KTN1: variants seen among roughly 807,000 people sequenced by gnomAD.
KTN1 encodes kinectin 1.
In KTN1, 130 loss-of-function variants were observed where a neutral mutation model predicts 222.5. The observed-to-expected ratio is 0.58, with a 90% CI of 0.51 to 0.68. The LOEUF is 0.68. Ranked by LOEUF, KTN1 falls within the 30% of genes least tolerant of loss-of-function variation. The probability of loss-of-function intolerance (pLI) is 0.00; values close to 1 mark genes in which losing one functional copy is unlikely to be tolerated. For synonymous variants in KTN1, 512 were observed against 496.3 expected, an observed-to-expected ratio of 1.03 and a Z score of -0.42; for missense variants, 1,508 against 1,500.4, an observed-to-expected ratio of 1.01 and a Z score of -0.08.
chr14:55,614,281 A>G (rs375494264), intron 2 of KTN1, among the ~76,000 whole-genome samples: 1 of 152,222 alleles, frequency 6.6e-6, no homozygotes, highest in Non-Finnish European at 1.5e-5. Context: ...AACAGATTTC[A>G]TGGGGCAGTA....
intron 43 of KTN1, chr14:55,682,064 T>C (rs1431268432): frequency 3.9e-5 from 6 of 152,196 alleles, no homozygotes; most frequent in African/African-American, 1.2e-4. Flanking sequence ...TATGAATTGT[T>C]TATGATAATG....
At chr14:55,618,930 GGT>G (rs1566724725) in intron 4 of KTN1, among the ~76,000 whole-genome samples, 1 of 151,762 alleles carries the variant, frequency 6.6e-6, no homozygotes, top group African/African-American at 2.4e-5. Flanking sequence ...TTAAAGTGAG[GGT>G]ATATTGGCAT....
chr14:55,662,228 A>C (rs967966069), intron 32 of KTN1, among the ~76,000 whole-genome samples: 4 of 151,848 alleles, frequency 2.6e-5, no homozygotes, highest in Non-Finnish European at 4.4e-5. Flanking sequence ...CACCATACTC[A>C]GCTAATGTTT....
intron 42 of KTN1, chr14:55,678,754 G>A (rs2046111161): frequency 3.4e-6 from 1 of 294,456 alleles, no homozygotes; most frequent in African/African-American, 2.2e-5. Context: ...ATTGCCGCCT[G>A]AGCTCTGCCT....
intron 28 of KTN1, among the ~76,000 whole-genome samples, chr14:55,655,148 C>G (rs146026248): frequency 2.5e-4 from 38 of 152,116 alleles, no homozygotes; most frequent in Admixed American, 1.4e-3. Context: ...GCCACCATGC[C>G]TGGCTAATTT....
At chr14:55,604,673 A>T (rs1309639284) in intron 1 of KTN1, among the ~76,000 whole-genome samples, 1 of 152,130 alleles carries the variant, frequency 6.6e-6, no homozygotes, top group Non-Finnish European at 1.5e-5. Context: ...ACTGCTGTTT[A>T]CTCAGAATGT....
At chr14:55,661,476 A>G (rs1278620227) in intron 31 of KTN1, 46 bp from the exon 32 acceptor site, 8 of 981,712 alleles carry the variant, frequency 8.1e-6, no homozygotes, top group African/African-American at 1.6e-5. Context: ...AAGTTGTATT[A>G]CTGTTTACCT....
chr14:55,612,920 T>G (rs1324078958), intron 2 of KTN1, among the ~76,000 whole-genome samples: 1 of 151,094 alleles, frequency 6.6e-6, no homozygotes, highest in Non-Finnish European at 1.5e-5. Context: ...AAAAACCCCA[T>G]ACATCTTATA....
At chr14:55,597,537 C>G (rs1381808843) in intron 1 of KTN1, among the ~76,000 whole-genome samples, 1 of 152,046 alleles carries the variant, frequency 6.6e-6, no homozygotes, top group Non-Finnish European at 1.5e-5. Flanking sequence ...AGGAATTTCC[C>G]TGTGGAATAT....
chr14:55,613,816 A>C (rs766215058), intron 2 of KTN1, among the ~76,000 whole-genome samples: 1 of 152,298 alleles, frequency 6.6e-6, no homozygotes, highest in South Asian at 2.1e-4. Context: ...GGATCAAGGC[A>C]TAGTAAGAAC....
intron 2 of KTN1, among the ~76,000 whole-genome samples, chr14:55,614,966 A>T (rs1031010379): frequency 3.9e-5 from 6 of 152,188 alleles, no homozygotes; most frequent in African/African-American, 1.4e-4. Context: ...ATGTAAATGT[A>T]GAAAAGTAGA....
At chr14:55,604,330 A>G (rs1456869210) in intron 1 of KTN1, among the ~76,000 whole-genome samples, 2 of 152,162 alleles carry the variant, frequency 1.3e-5, no homozygotes, top group Non-Finnish European at 2.9e-5. Context: ...GGATAGCACC[A>G]TGGCTCTATC....
At chr14:55,599,941 T>C (rs904518343) in intron 1 of KTN1, among the ~76,000 whole-genome samples, 1 of 152,118 alleles carries the variant, frequency 6.6e-6, no homozygotes, top group African/African-American at 2.4e-5. Context: ...TGTGATAATA[T>C]ACCAAACTTT....
intron 18 of KTN1, 100 bp from the exon 19 acceptor site, chr14:55,646,873 T>A: frequency 2.7e-6 from 2 of 754,682 alleles, no homozygotes; most frequent in Non-Finnish European, 4.6e-6. Context: ...TGTATCTATT[T>A]AATAACCCTA....
At chr14:55,655,989 G>GA in intron 28 of KTN1, 53 bp from the exon 29 acceptor site, 12 of 1,083,190 alleles carry the variant, frequency 1.1e-5, no homozygotes, top group Non-Finnish European at 1.6e-5. Flanking sequence ...TTGGAGTCTG[G>GA]TTTTCCTTTT....
chr14:55,651,550 G>A (rs375470281), intron 24 of KTN1: 24 of 374,890 alleles, frequency 6.4e-5, no homozygotes, highest in African/African-American at 4.4e-4. Flanking sequence ...TCTGAGTGCA[G>A]TGGTGTTTAC....
intron 31 of KTN1, among the ~76,000 whole-genome samples, chr14:55,660,181 A>G (rs2043964404): frequency 6.6e-6 from 1 of 152,046 alleles, no homozygotes. Flanking sequence ...GGGGTTTGAG[A>G]TCAGCCTGGG....
chr14:55,676,731 TA>T (rs1173108820), intron 41 of KTN1, among the ~76,000 whole-genome samples: 2 of 152,226 alleles, frequency 1.3e-5, no homozygotes, highest in Non-Finnish European at 2.9e-5. Flanking sequence ...TATCTCATTT[TA>T]AAAAATAATA....
At chr14:55,664,236 A>G (rs1370042143) in intron 33 of KTN1, among the ~76,000 whole-genome samples, 195 bp downstream of exon 33, 1 of 152,012 alleles carries the variant, frequency 6.6e-6, no homozygotes, top group Non-Finnish European at 1.5e-5. Flanking sequence ...ATTTGTTGTG[A>G]TTACCTGATT....
Sources: gnomAD v4.1 joint callset for allele counts (sites outside exome capture counted in the v4.1 genomes callset) on GRCh38, gnomAD v4.1.1 for gene constraint, MANE v1.5 for transcripts, NCBI Gene and HGNC (gene_info 2026-07-23, HGNC 2026-07-21) for gene names.